Variants in ARHGAP26 observed in about 807,000 individuals in gnomAD.
ARHGAP26 encodes rho GTPase-activating protein 26.
ARHGAP26 carries 38 observed loss-of-function variants against 104.8 expected under a neutral mutation model. The observed-to-expected ratio is 0.36, with a 90% CI of 0.28 to 0.48. The LOEUF (loss-of-function observed/expected upper bound fraction) is 0.48. Ranked by LOEUF, ARHGAP26 falls within the 20% of genes least tolerant of loss-of-function variation. ARHGAP26 has a pLI of 0.99. For synonymous variants in ARHGAP26, 341 were observed against 340.0 expected (o/e 1.00, Z -0.03); for missense variants, 704 against 947.9 (o/e 0.74, Z 3.38).
chr5:143,166,137 C>T, intron 20 of ARHGAP26: 1 of 1,274,920 alleles, frequency 7.8e-7, no homozygotes, highest in Non-Finnish European at 1.0e-6. Context: ...AGTCATATCT[C>T]AATTAAAGAA....
At chr5:142,912,883 C>T (rs1762016149) in intron 9 of ARHGAP26, among the ~76,000 whole-genome samples, 1 of 152,108 alleles carries the variant, frequency 6.6e-6, no homozygotes, top group African/African-American at 2.4e-5. Context: ...AGGAGGAGAC[C>T]ATCTTCTTCT....
chr5:142,890,147 AAAAAATATATATATATATAT>A lies in ARHGAP26; in HGVS notation c.487-4089_487-4070del, dbSNP rs1372596284. ...GCGAAACTCCGTCTTAAAAAAAAAAAAAAAATATATATATATATATATATATATATATATATATATATATA... is the reference window on the plus strand; with the variant it reads ...GCGAAACTCCGTCTTAAAAAAAAAAAATATATATATATATATATATATATA... On this transcript the variant is annotated intron_variant, in intron 5 of 22. Transcript: ENST00000645722. Among the ~76,000 whole-genome samples the A allele has an allele frequency of 1.0e-3, 80 of 78,576 alleles. 4 individuals are homozygous for A. The highest frequency in any genetic ancestry group is 4.5e-3 in the African/African-American group (78 of 17,256). 51.5% of individuals were successfully genotyped at this position (78,576 alleles called of 152,430 possible).
At chr5:143,140,391 T>G (rs1798374877) in intron 19 of ARHGAP26, among the ~76,000 whole-genome samples, 1 of 152,172 alleles carries the variant, frequency 6.6e-6, no homozygotes, top group African/African-American at 2.4e-5. Flanking sequence ...GTACGTTACT[T>G]TCCTTTTCTG....
rs150890051 is a variant in ARHGAP26, at chr5:142,784,118, C to T, written c.154+13203C>T. 2.6e-4 allele frequency among the ~76,000 whole-genome samples: 40 copies of T among 152,326 alleles called. No homozygotes were observed. In the East Asian group the frequency reaches 6.2e-3, roughly 23 times the overall value. On this transcript the variant is annotated intron_variant, in intron 1 of 22. Coordinates refer to ENST00000645722, the MANE Select transcript of ARHGAP26 (RefSeq NM_001135608.3). ...CCGAAGCTGCCCAGAGCTCAGTGTG[C>T]AAGGTCAGCAGACTACCATGCTGCC...
chr5:143,101,656 T>C (rs1419537848), intron 17 of ARHGAP26, among the ~76,000 whole-genome samples: 1 of 152,002 alleles, frequency 6.6e-6, no homozygotes, highest in Non-Finnish European at 1.5e-5. Flanking sequence ...TTTTTTAATT[T>C]CCCTGAAACA....
intron 11 of ARHGAP26, among the ~76,000 whole-genome samples, chr5:143,012,953 C>T (rs931119256): frequency 2.0e-5 from 3 of 151,878 alleles, no homozygotes; most frequent in African/African-American, 2.4e-5. Flanking sequence ...TGTGCCTGGC[C>T]GATTTTTTTC....
At chr5:142,844,868 AAAAG>A (rs899477237) in intron 1 of ARHGAP26, among the ~76,000 whole-genome samples, 1 of 152,080 alleles carries the variant, frequency 6.6e-6, no homozygotes, top group African/African-American at 2.4e-5. Flanking sequence ...AAAAAAAAAA[AAAAG>A]AACTCTTTTA....
intron 17 of ARHGAP26, among the ~76,000 whole-genome samples, chr5:143,077,108 G>C (rs1789149799): frequency 6.6e-6 from 1 of 152,232 alleles, no homozygotes. Context: ...TCGATGGCTA[G>C]ATATGGATAC....
At chr5:143,085,884 A>T (rs960216517) in intron 17 of ARHGAP26, among the ~76,000 whole-genome samples, 4 of 152,216 alleles carry the variant, frequency 2.6e-5, no homozygotes, top group Non-Finnish European at 4.4e-5. Context: ...CTTACTTTTT[A>T]AAAAATGGTT....
chr5:142,905,156 G>A (rs116812297), intron 8 of ARHGAP26, among the ~76,000 whole-genome samples: 20 of 152,212 alleles, frequency 1.3e-4, no homozygotes, highest in African/African-American at 4.8e-4. Flanking sequence ...AGGTCTACTT[G>A]AAAATATAAA....
intron 1 of ARHGAP26, among the ~76,000 whole-genome samples, chr5:142,830,435 G>A (rs751511923): frequency 9.2e-5 from 14 of 152,068 alleles, no homozygotes; most frequent in Admixed American, 2.0e-4. Flanking sequence ...GGATTTTTCC[G>A]TTTGTGTTAC....
At chr5:143,168,124 G>A (rs1048670617) in intron 20 of ARHGAP26, among the ~76,000 whole-genome samples, 1 of 152,208 alleles carries the variant, frequency 6.6e-6, no homozygotes, top group Non-Finnish European at 1.5e-5. Context: ...GATTTAGACA[G>A]CAAACAGTGG....
chr5:142,921,343 A>G (rs900530050), intron 10 of ARHGAP26, among the ~76,000 whole-genome samples: 1 of 152,240 alleles, frequency 6.6e-6, no homozygotes, highest in African/African-American at 2.4e-5. Flanking sequence ...CTTTTAATAC[A>G]GTAATATGTG....
At chr5:143,000,292 G>A (rs192588532) in intron 11 of ARHGAP26, among the ~76,000 whole-genome samples, 16 of 152,348 alleles carry the variant, frequency 1.1e-4, no homozygotes, top group Admixed American at 3.3e-4. Context: ...CCTAAGAGAA[G>A]TGAAAACACA....
At chr5:142,825,975 A>G (rs987117818) in intron 1 of ARHGAP26, among the ~76,000 whole-genome samples, 1 of 151,920 alleles carries the variant, frequency 6.6e-6, no homozygotes, top group African/African-American at 2.4e-5. Context: ...GGCCGAGGAG[A>G]GATGATGAGG....
intron 20 of ARHGAP26, among the ~76,000 whole-genome samples, chr5:143,198,933 A>G (rs1226767154): frequency 6.6e-6 from 1 of 152,168 alleles, no homozygotes; most frequent in Admixed American, 6.5e-5. Context: ...ACAGTACCCA[A>G]TAGTTTAAGA....
At chr5:142,985,627 G>A (rs1259234433) in intron 11 of ARHGAP26, among the ~76,000 whole-genome samples, 2 of 149,784 alleles carry the variant, frequency 1.3e-5, no homozygotes, top group Non-Finnish European at 3.0e-5. Flanking sequence ...TTTACATTAG[G>A]TATATCTCCT....
chr5:142,774,731 C>T (rs954379379), intron 1 of ARHGAP26, among the ~76,000 whole-genome samples: 1 of 152,062 alleles, frequency 6.6e-6, no homozygotes, highest in Non-Finnish European at 1.5e-5. Flanking sequence ...TGTGCTCCAC[C>T]TATTCATCCC....
At chr5:143,029,513 T>A (rs1781574695) in intron 12 of ARHGAP26, among the ~76,000 whole-genome samples, 1 of 144,144 alleles carries the variant, frequency 6.9e-6, no homozygotes, top group Non-Finnish European at 1.5e-5. Context: ...CAAGCCATCA[T>A]CCTGCCTCAG....
Sources: gnomAD v4.1 joint callset for allele counts (sites outside exome capture counted in the v4.1 genomes callset) on GRCh38, gnomAD v4.1.1 for gene constraint, MANE v1.5 for transcripts, NCBI Gene and HGNC (gene_info 2026-07-23, HGNC 2026-07-21) for gene names.